The following SNX4 variants were observed in gnomAD, a reference collection of about 807,000 sequenced individuals.
SNX4 encodes the protein sorting nexin 4, also known as sorting nexin-4.
Under a neutral mutation model 70.8 loss-of-function variants are expected in SNX4, and 49 were observed. The observed-to-expected ratio is 0.69, with a 90% CI of 0.55 to 0.88. The LOEUF (loss-of-function observed/expected upper bound fraction) is 0.88, where lower values mean the gene tolerates loss of function less well. SNX4 is among the 40% of genes least tolerant of loss of function. SNX4 has a pLI of 0.00. For synonymous variants in SNX4, 206 were observed against 183.8 expected (o/e 1.12, Z -0.98); for missense variants, 528 against 544.8 (o/e 0.97, Z 0.31).
chr3:125,498,228 T>C (rs777105541), intron 2 of SNX4, 34 bp from the exon 3 acceptor site: 1 of 1,582,568 alleles, frequency 6.3e-7, no homozygotes, highest in Non-Finnish European at 8.6e-7. Flanking sequence ...TGTTATTTTT[T>C]ATAAACAAAA....
chr3:125,492,794 A>G (rs1194524137), intron 5 of SNX4, among the ~76,000 whole-genome samples: 1 of 152,228 alleles, frequency 6.6e-6, no homozygotes, highest in African/African-American at 2.4e-5. Context: ...TGTAGGCACC[A>G]GCATTTGGAA....
intron 7 of SNX4, among the ~76,000 whole-genome samples, chr3:125,478,785 A>G (rs1010297491): frequency 6.6e-6 from 1 of 151,954 alleles, no homozygotes; most frequent in African/African-American, 2.4e-5. Flanking sequence ...GGTACGATGC[A>G]GACTCTCTGA....
chr3:125,476,563 C>G, intron 8 of SNX4, 132 bp downstream of exon 8: 1 of 645,354 alleles, frequency 1.5e-6, no homozygotes. Flanking sequence ...GAAAGAAACT[C>G]CATCTCAAAA....
Position 125,450,919 on chromosome 3 carries a change from T to A in SNX4, c.1305+386A>T, listed in dbSNP as rs537944221. On this transcript the variant is annotated intron_variant, in intron 13 of 13. Coordinates refer to ENST00000251775, the MANE Select transcript of SNX4 (RefSeq NM_003794.4). ...CTCAAATACAAGTTATAAATGGAGA[T>A]ACAAATTTGGACTTTAGATGAGTGG... Among the ~76,000 whole-genome samples the A allele has an allele frequency of 1.8e-3, 273 of 152,112 alleles. 1 individual carries two copies. Among genetic ancestry groups the A allele is most frequent in the Non-Finnish European group, 3.6e-3 (244 of 68,028 alleles).
At chr3:125,495,604 A>C (rs532165147) in intron 5 of SNX4, among the ~76,000 whole-genome samples, 1 of 152,026 alleles carries the variant, frequency 6.6e-6, no homozygotes, top group South Asian at 2.1e-4. Flanking sequence ...CTAAATACTT[A>C]AGCAGCACCT....
chr3:125,519,999 G>A, intron 1 of SNX4, 33 bp downstream of exon 1: 1 of 1,286,862 alleles, frequency 7.8e-7, no homozygotes, highest in Non-Finnish European at 1.0e-6. Context: ...CCACCACACA[G>A]GCCATGAGGG....
chr3:125,508,640 G>T (rs1373091575), intron 1 of SNX4, among the ~76,000 whole-genome samples: 4 of 151,082 alleles, frequency 2.6e-5, no homozygotes, highest in Non-Finnish European at 5.9e-5. Flanking sequence ...TTACTACAAA[G>T]CTACAGTAAT....
intron 6 of SNX4, among the ~76,000 whole-genome samples, chr3:125,488,388 T>G (rs896803967): frequency 1.3e-5 from 2 of 151,760 alleles, no homozygotes; most frequent in African/African-American, 4.8e-5. Flanking sequence ...GGCAGGAGAA[T>G]TGATTGAACC....
At chr3:125,517,674 T>A (rs995750077) in intron 1 of SNX4, among the ~76,000 whole-genome samples, 2 of 152,026 alleles carry the variant, frequency 1.3e-5, no homozygotes, top group Non-Finnish European at 2.9e-5. Context: ...AATTAGGGAG[T>A]TGTTTTAAGA....
At chr3:125,463,717 G>A (rs1053585220) in intron 9 of SNX4, among the ~76,000 whole-genome samples, 1 of 152,076 alleles carries the variant, frequency 6.6e-6, no homozygotes, top group Non-Finnish European at 1.5e-5. Flanking sequence ...ATGTTTTGAT[G>A]TATGTATACA....
chr3:125,511,065 T>C (rs1186213750), intron 1 of SNX4, among the ~76,000 whole-genome samples: 6 of 152,160 alleles, frequency 3.9e-5, no homozygotes, highest in African/African-American at 7.2e-5. Flanking sequence ...ATTACAAGCA[T>C]GCATACCACC....
chr3:125,502,925 T>TTTC (rs201881845), intron 2 of SNX4, among the ~76,000 whole-genome samples: 564 of 34,810 alleles, frequency 0.016, 17 homozygotes, highest in Admixed American at 0.097. Flanking sequence ...TAGTTTTTTT[T>TTTC]TTTTTTCTTT....
At chr3:125,454,898 TGGA>T (rs1253864633) in intron 11 of SNX4, among the ~76,000 whole-genome samples, 6 of 152,110 alleles carry the variant, frequency 3.9e-5, no homozygotes, top group Non-Finnish European at 5.9e-5. Flanking sequence ...TGAAATAATA[TGGA>T]GTAGTCAAAA....
chr3:125,510,919 C>T (rs1341136393), intron 1 of SNX4, among the ~76,000 whole-genome samples: 2 of 152,152 alleles, frequency 1.3e-5, no homozygotes, highest in East Asian at 3.9e-4. Context: ...TATATTTTAA[C>T]ACAATTTGTT....
intron 8 of SNX4, among the ~76,000 whole-genome samples, chr3:125,474,593 G>T (rs1934250776): frequency 6.6e-6 from 1 of 152,324 alleles, no homozygotes; most frequent in East Asian, 1.9e-4. Flanking sequence ...TAGGATTACA[G>T]ATGAGAGCCA....
At chr3:125,482,854 A>C (rs9882480) in intron 6 of SNX4, among the ~76,000 whole-genome samples, 2,518 of 152,240 alleles carry the variant, frequency 0.017, 67 homozygotes, top group African/African-American at 0.056. Context: ...TTTAGGGATA[A>C]AAGAGTTGGC....
At chr3:125,505,677 T>TC (rs1935030090) in intron 1 of SNX4, among the ~76,000 whole-genome samples, 2 of 152,192 alleles carry the variant, frequency 1.3e-5, no homozygotes, top group Non-Finnish European at 2.9e-5. Context: ...CTGTTGCTCC[T>TC]CCCCATGTTG....
chr3:125,449,963 T>A (rs9849264), intron 13 of SNX4, among the ~76,000 whole-genome samples: 3 of 152,050 alleles, frequency 2.0e-5, no homozygotes, highest in Non-Finnish European at 4.4e-5. Flanking sequence ...AGGACTGTAC[T>A]ACTGGGTGTG....
chr3:125,465,513 T>C (rs1442275827), intron 9 of SNX4, among the ~76,000 whole-genome samples: 2 of 152,128 alleles, frequency 1.3e-5, no homozygotes, highest in East Asian at 1.9e-4. Context: ...CCTCCCAAAG[T>C]GCTGGGATTA....
Sources: allele counts gnomAD v4.1 joint callset (sites outside exome capture counted in the v4.1 genomes callset), GRCh38; gene constraint gnomAD v4.1.1; transcripts MANE v1.5; gene names NCBI Gene and HGNC (gene_info 2026-07-23, HGNC 2026-07-21).